The following TENM3 variants were observed in gnomAD, a reference collection of about 807,000 sequenced individuals.
The protein encoded by TENM3 is teneurin transmembrane protein 3, also known as teneurin-3.
Under a neutral mutation model 255.1 loss-of-function variants are expected in TENM3, and 63 were observed. The observed-to-expected ratio is 0.25, with a 90% CI of 0.20 to 0.30. TENM3 has a LOEUF of 0.30. TENM3 is among the 10% of genes least tolerant of loss of function. TENM3 has a pLI of 1.00. For missense variants in TENM3, 2,929 were observed against 3,461.1 expected (o/e 0.85, Z 3.86); for synonymous variants, 1,306 against 1,322.3 (o/e 0.99, Z 0.27).
the TENM3 span, among the ~76,000 whole-genome samples, chr4:182,011,304 C>T: frequency 1.3e-5 from 2 of 152,170 alleles, no homozygotes; most frequent in South Asian, 4.1e-4. Context: ...GTTGCACATC[C>T]CAGACATTGA....
chr4:181,501,479 A>G, the TENM3 span, among the ~76,000 whole-genome samples: 1 of 151,702 alleles, frequency 6.6e-6, no homozygotes. Flanking sequence ...CCCGGGTTCA[A>G]CTGATTCTCC....
the TENM3 span, among the ~76,000 whole-genome samples, chr4:182,124,956 T>C: frequency 0.095 from 2,227 of 23,538 alleles, 125 homozygotes; most frequent in African/African-American, 0.1. Flanking sequence ...CCTGCTGGGA[T>C]GGTGAATCTT....
At chr4:181,456,430 C>T in the TENM3 span, among the ~76,000 whole-genome samples, 1 of 151,770 alleles carries the variant, frequency 6.6e-6, no homozygotes, top group African/African-American at 2.4e-5. Flanking sequence ...AAGGAACGAA[C>T]GAGGGCTTAG....
At chr4:182,590,427 C>T (rs1459736023) in intron 3 of TENM3, among the ~76,000 whole-genome samples, 3 of 148,572 alleles carry the variant, frequency 2.0e-5, no homozygotes, top group Non-Finnish European at 1.5e-5. Context: ...CACTTGAGCC[C>T]GGGAGTTCTA....
rs143072936 is a variant in TENM3 at position 182,758,894 on chromosome 4, G to A, written c.4892+3635G>A. On this transcript the variant is annotated intron_variant, in intron 22 of 27. Coordinates refer to ENST00000511685, the MANE Select transcript of TENM3 (RefSeq NM_001080477.4). ...AATCATCTTCCTGCACAAATACCTC[G>A]CACAGAAAAGTTAAACTTTTCAGCT... is the stretch of plus-strand genomic sequence containing the variant. 3.8e-3 allele frequency among the ~76,000 whole-genome samples: 585 copies of A among 152,154 alleles called. 3 individuals carry two copies. The highest frequency in any genetic ancestry group is 6.3e-3 in the Non-Finnish European group (430 of 68,006).
At chr4:181,663,835 G>A in the TENM3 span, among the ~76,000 whole-genome samples, 1 of 152,148 alleles carries the variant, frequency 6.6e-6, no homozygotes, top group Non-Finnish European at 1.5e-5. Flanking sequence ...TGATTTCCTT[G>A]CCATGCTTTT....
chr4:182,349,817 C>T, intron 3 of TENM3: 1 of 350,288 alleles, frequency 2.9e-6, no homozygotes. Flanking sequence ...TTTTCATTTT[C>T]TCTTTTATTC....
the TENM3 span, among the ~76,000 whole-genome samples, chr4:181,496,593 C>T: frequency 3.4e-3 from 525 of 152,214 alleles, 4 homozygotes; most frequent in Admixed American, 5.8e-3. Flanking sequence ...TTTAAATGCT[C>T]CTTTTTAAAA....
At chr4:181,704,173 C>T in the TENM3 span, among the ~76,000 whole-genome samples, 1 of 152,130 alleles carries the variant, frequency 6.6e-6, no homozygotes, top group Non-Finnish European at 1.5e-5. Context: ...TAAGCAATCG[C>T]GTTTGTATTT....
the TENM3 span, among the ~76,000 whole-genome samples, chr4:181,934,619 G>A: frequency 1.3e-5 from 2 of 152,072 alleles, no homozygotes; most frequent in East Asian, 3.9e-4. Context: ...CTTAAAAAAG[G>A]ATTTTTAGCA....
chr4:182,666,624 C>T (rs538473618), intron 6 of TENM3, among the ~76,000 whole-genome samples: 1 of 152,290 alleles, frequency 6.6e-6, no homozygotes, highest in African/African-American at 2.4e-5. Context: ...TGGCTGGGCA[C>T]AGTGGCTCAT....
At chr4:182,380,699 C>T (rs181601754) in intron 3 of TENM3, among the ~76,000 whole-genome samples, 281 of 152,254 alleles carry the variant, frequency 1.8e-3, no homozygotes, top group Non-Finnish European at 2.9e-3. Context: ...TTTAAAATGC[C>T]TCCCAACTGT....
At chr4:182,405,487 C>A (rs1769505629) in intron 3 of TENM3, among the ~76,000 whole-genome samples, 1 of 152,214 alleles carries the variant, frequency 6.6e-6, no homozygotes, top group Non-Finnish European at 1.5e-5. Flanking sequence ...GGATAGTACC[C>A]ATCATCTGTA....
At chr4:182,144,562 GA>G (rs1749762610), upstream of TENM3, 1 of 149,518 alleles carries the variant, frequency 6.7e-6, no homozygotes, top group African/African-American at 2.4e-5. Context: ...GGCGGGCAGG[GA>G]AGGAAGTTGT....
chr4:181,987,794 CTTTT>C, the TENM3 span, among the ~76,000 whole-genome samples: 14,108 of 151,972 alleles, frequency 0.093, 785 homozygotes, highest in Middle Eastern at 0.14. Context: ...AGAGAGATAT[CTTTT>C]CTTTCTGGAT....
At chr4:182,380,253 G>A (rs192261906) in intron 3 of TENM3, among the ~76,000 whole-genome samples, 295 of 151,450 alleles carry the variant, frequency 1.9e-3, no homozygotes, top group Non-Finnish European at 3.2e-3. Flanking sequence ...CCTGGGCAAC[G>A]AGAGTGAAAC....
At chr4:181,853,359 C>T in the TENM3 span, among the ~76,000 whole-genome samples, 16 of 152,162 alleles carry the variant, frequency 1.1e-4, no homozygotes, top group Non-Finnish European at 1.5e-4. Context: ...CGTTGCCAAA[C>T]TAGAATTATT....
chr4:182,601,066 G>A lies in TENM3; in HGVS notation c.654G>A (p.Pro218=), dbSNP rs200512896. The A allele has an allele frequency of 2.1e-5, 34 of 1,613,680 alleles. No individual in the cohort carries two copies. In the East Asian group the frequency reaches 5.6e-4, roughly 26 times the overall value. Residue 218 remains proline, a synonymous_variant, in exon 4 of 28, where the codon CCG becomes CCA. Transcript: ENST00000511685. ...LTNRRNQSPA[P]PAALPAELQT... ...ATAGAAGGAACCAGAGTCCGGCCCC[G>A]CCGGCTGCTTTGCCCGCCGAGCTGC...
chr4:182,725,033 T>A (rs183638392), intron 13 of TENM3, among the ~76,000 whole-genome samples: 5 of 151,648 alleles, frequency 3.3e-5, no homozygotes, highest in Admixed American at 6.6e-5. Context: ...TTTTAAAAAA[T>A]TTTTTGGTTT....
Sources: gnomAD v4.1 joint callset for allele counts (sites outside exome capture counted in the v4.1 genomes callset) on GRCh38, gnomAD v4.1.1 for gene constraint, MANE v1.5 for transcripts, NCBI Gene and HGNC (gene_info 2026-07-23, HGNC 2026-07-21) for gene names.